The following ZNF718 variants were observed in gnomAD, a reference collection of about 807,000 sequenced individuals.
ZNF718 encodes zinc finger protein 718.
A neutral mutation model predicts 2.6 loss-of-function variants in ZNF718; 3 were observed. The ratio of observed to expected loss-of-function variants is 1.16; its 90% confidence interval spans 0.53 to 3.01. The LOEUF is 3.01. Among genes scored for constraint, ZNF718 ranks in the 30% most tolerant of loss-of-function variants. The pLI is 0.03. For synonymous variants in ZNF718, 135 were observed against 77.9 expected (o/e 1.73, Z -3.86); for missense variants, 468 against 230.0 (o/e 2.03, Z -6.69).
At chr4:135,351 T>G (rs1272803960) in intron 3 of ZNF718, among the ~76,000 whole-genome samples, 1 of 152,036 alleles carries the variant, frequency 6.6e-6, no homozygotes, top group Non-Finnish European at 1.5e-5. Flanking sequence ...ACAGCTTGGT[T>G]TTATACATTT....
intron 3 of ZNF718, among the ~76,000 whole-genome samples, chr4:184,951 C>T (rs1717538445): frequency 6.6e-6 from 1 of 152,020 alleles, no homozygotes; most frequent in Non-Finnish European, 1.5e-5. Flanking sequence ...TTCAAAAAAG[C>T]TCCTGGATTT....
intron 3 of ZNF718, among the ~76,000 whole-genome samples, chr4:185,302 T>C (rs1717545164): frequency 6.6e-6 from 1 of 152,232 alleles, no homozygotes; most frequent in African/African-American, 2.4e-5. Flanking sequence ...TCCATGTAGT[T>C]GCATGGTTTT....
intron 3 of ZNF718, among the ~76,000 whole-genome samples, chr4:134,560 G>A (rs1178818692): frequency 9.2e-5 from 14 of 151,936 alleles, no homozygotes; most frequent in African/African-American, 4.8e-5. Flanking sequence ...ATGATAATAC[G>A]GTACTTTGAC....
chr4:146,450 T>G (rs1716069393), intron 3 of ZNF718, among the ~76,000 whole-genome samples: 1 of 152,120 alleles, frequency 6.6e-6, no homozygotes, highest in Non-Finnish European at 1.5e-5. Flanking sequence ...TTTTCTTGCT[T>G]CTTTTAAGAA....
At chr4:152,209 A>T (rs1181226042) in intron 3 of ZNF718, among the ~76,000 whole-genome samples, 41 of 145,660 alleles carry the variant, frequency 2.8e-4, no homozygotes, top group Middle Eastern at 3.6e-3. Context: ...AGGGACAGGC[A>T]GGAGACAGAT....
At chr4:152,134 G>A (rs1320461798) in intron 3 of ZNF718, among the ~76,000 whole-genome samples, 2 of 148,636 alleles carry the variant, frequency 1.3e-5, no homozygotes, top group Admixed American at 6.7e-5. Context: ...GCCTTAAGGC[G>A]GTTTTTCCCT....
intron 3 of ZNF718, among the ~76,000 whole-genome samples, chr4:174,635 T>C (rs1717312186): frequency 6.6e-6 from 1 of 152,204 alleles, no homozygotes; most frequent in South Asian, 2.1e-4. Flanking sequence ...GACTGGCAGA[T>C]AGACTTCACT....
intron 1 of ZNF718, among the ~76,000 whole-genome samples, chr4:126,800 A>G (rs537213208): frequency 6.7e-6 from 1 of 150,322 alleles, no homozygotes; most frequent in Non-Finnish European, 1.5e-5. Flanking sequence ...ATGGTGGAAA[A>G]TTTTTTTAGG....
intron 3 of ZNF718, among the ~76,000 whole-genome samples, chr4:181,193 A>G (rs564098877): frequency 1.6e-4 from 20 of 125,752 alleles, no homozygotes; most frequent in Admixed American, 4.6e-4. Flanking sequence ...TTTCGTAGAC[A>G]TGAAGTCTCA....
chr4:166,011 C>A (rs1717078742), downstream of ZNF718, among the ~76,000 whole-genome samples: 1 of 152,136 alleles, frequency 6.6e-6, no homozygotes, highest in Non-Finnish European at 1.5e-5. Context: ...TCCCCCAACC[C>A]CACAGCAGGC....
chr4:181,218 G>A (rs1717457167), intron 3 of ZNF718, among the ~76,000 whole-genome samples: 1 of 144,974 alleles, frequency 6.9e-6, no homozygotes, highest in Non-Finnish European at 1.5e-5. Context: ...GTTGCCCAGG[G>A]TGGTCTCAAA....
chr4:166,880 C>G (rs1717100602), downstream of ZNF718, among the ~76,000 whole-genome samples: 1 of 150,152 alleles, frequency 6.7e-6, no homozygotes, highest in South Asian at 2.1e-4. Flanking sequence ...TCAATTTTGG[C>G]TTTTGTTGCC....
At position 160,945 on chromosome 4, in the gene ZNF718, C is replaced by T. The variant is rs1418562348; in HGVS notation, c.260C>T (p.Thr87Ile). ...VCSHFTQNLW[T>I]VQGIEDSFHK... ...TCTCATTTCACCCAAAACCTTTGGA[C>T]AGTGCAGGGCATAGAAGATTCATTC... Residue 87 changes from threonine to isoleucine, a missense_variant, in exon 4 of 4, where the codon ACA (threonine) becomes ATA (isoleucine). Thr to Ile is a moderately conservative substitution (Grantham distance 89). Transcript: ENST00000510175. The T allele has an allele frequency of 5.2e-6, 4 of 774,200 alleles. No homozygotes were observed. The highest frequency in any genetic ancestry group is 5.1e-5 in the African/African-American group (3 of 58,536). The allele number at this position is 774,200 out of a possible 1,614,324, so 48.0% of individuals were successfully genotyped here. A position where few individuals can be genotyped will look rare whatever the true frequency, so the allele number is the denominator to read the frequency against.
intron 3 of ZNF718, among the ~76,000 whole-genome samples, chr4:172,984 G>A (rs137867160): frequency 8.9e-4 from 136 of 152,206 alleles, no homozygotes; most frequent in African/African-American, 3.0e-3. Context: ...GGTGTAGGTT[G>A]CAGTGAGCCA....
rs954944102 is a variant in ZNF718 at position 134,295 on chromosome 4, C to T, written c.226+2790C>T. 2.2e-4 allele frequency among the ~76,000 whole-genome samples: 34 copies of T among 152,144 alleles called. 1 individual carries two copies. The East Asian group carries it at 4.7e-3, about 21-fold the overall frequency. ...CCAAGTAGCTGGGACTACAGGTGCC[C>T]GCCACCACGCCCGGCTAATTTTTTG... is the stretch of plus-strand genomic sequence containing the variant. On this transcript the variant is annotated intron_variant, in intron 3 of 3. Transcript: ENST00000510175.
chr4:166,311 T>C (rs1163280108), downstream of ZNF718, among the ~76,000 whole-genome samples: 11 of 152,202 alleles, frequency 7.2e-5, no homozygotes, highest in South Asian at 4.1e-4. Flanking sequence ...GATAAACATA[T>C]GTGTGCATGT....
At chr4:140,640 T>C (rs1715772974) in intron 3 of ZNF718, among the ~76,000 whole-genome samples, 1 of 152,202 alleles carries the variant, frequency 6.6e-6, no homozygotes, top group Non-Finnish European at 1.5e-5. Context: ...CATTGGATTA[T>C]CTACTGGGGC....
intron 3 of ZNF718, among the ~76,000 whole-genome samples, chr4:191,711 G>A (rs1361093906): frequency 6.6e-6 from 1 of 152,144 alleles, no homozygotes; most frequent in Non-Finnish European, 1.5e-5. Flanking sequence ...TCATCAAAAT[G>A]GGTAAGTTAA....
chr4:187,319 A>G (rs1717589792), intron 3 of ZNF718, among the ~76,000 whole-genome samples: 1 of 151,724 alleles, frequency 6.6e-6, no homozygotes, highest in Non-Finnish European at 1.5e-5. Flanking sequence ...CTCCACCTCC[A>G]GGGTTCAAAC....
Sources: gnomAD v4.1 joint callset for allele counts (sites outside exome capture counted in the v4.1 genomes callset) on GRCh38, gnomAD v4.1.1 for gene constraint, MANE v1.5 for transcripts, NCBI Gene and HGNC (gene_info 2026-07-23, HGNC 2026-07-21) for gene names.